COX10: variants seen among roughly 807,000 people sequenced by gnomAD.
The protein encoded by COX10 is protoheme IX farnesyltransferase, mitochondrial.
Under a neutral mutation model 37.3 loss-of-function variants are expected in COX10, and 27 were observed. That is an observed-to-expected ratio of 0.72 (90% CI 0.53 to 1.00). The LOEUF (loss-of-function observed/expected upper bound fraction) is 1.00, where lower values mean the gene tolerates loss of function less well. COX10 is among the 50% of genes least tolerant of loss of function. COX10 has a pLI of 0.00. For synonymous variants in COX10, 222 were observed against 229.1 expected, an observed-to-expected ratio of 0.97 and a Z score of 0.28; for missense variants, 475 against 563.2, an observed-to-expected ratio of 0.84 and a Z score of 1.59.
intron 3 of COX10, among the ~76,000 whole-genome samples, chr17:14,092,552 GA>G (rs900697582): frequency 6.6e-6 from 1 of 151,930 alleles, no homozygotes; most frequent in Non-Finnish European, 1.5e-5. Flanking sequence ...ATATGGCTGA[GA>G]AAAAAATAGC....
chr17:14,093,295 C>T (rs1898048465), intron 3 of COX10, among the ~76,000 whole-genome samples: 1 of 151,926 alleles, frequency 6.6e-6, no homozygotes, highest in South Asian at 2.1e-4. Flanking sequence ...CATTAAGACA[C>T]AGAGAAATAA....
At chr17:14,078,927 G>A (rs140599536) in intron 3 of COX10, among the ~76,000 whole-genome samples, 4 of 151,862 alleles carry the variant, frequency 2.6e-5, no homozygotes, top group East Asian at 1.9e-4. Context: ...TTGTTCCCCC[G>A]CCTCCATGGG....
intron 4 of COX10, among the ~76,000 whole-genome samples, chr17:14,108,343 T>C (rs1043896885): frequency 1.3e-5 from 2 of 152,222 alleles, no homozygotes; most frequent in African/African-American, 4.8e-5. Flanking sequence ...AAGATAGTTC[T>C]TTTGAAAGAT....
chr17:14,090,088 C>T (rs1915491823), intron 3 of COX10, among the ~76,000 whole-genome samples: 2 of 151,944 alleles, frequency 1.3e-5, no homozygotes, highest in Admixed American at 1.3e-4. Context: ...TTCAGCCTGA[C>T]ACCTGGGGTC....
At chr17:14,185,142 T>TA (rs557075391) in intron 5 of COX10, among the ~76,000 whole-genome samples, 2 of 151,962 alleles carry the variant, frequency 1.3e-5, no homozygotes, top group East Asian at 1.9e-4. Context: ...AAAGGACTAA[T>TA]AAAAAAAATA....
intron 3 of COX10, among the ~76,000 whole-genome samples, chr17:14,081,684 A>G (rs759076788): frequency 6.6e-6 from 1 of 152,148 alleles, no homozygotes; most frequent in Admixed American, 6.6e-5. Flanking sequence ...TACTTCCTTC[A>G]TAGGGTTGTT....
chr17:14,110,860 T>A (rs1915993618), intron 4 of COX10, among the ~76,000 whole-genome samples: 1 of 152,132 alleles, frequency 6.6e-6, no homozygotes, highest in Non-Finnish European at 1.5e-5. Context: ...AGTGACAAAC[T>A]GCTTTTAAGG....
intron 4 of COX10, among the ~76,000 whole-genome samples, chr17:14,145,446 C>A (rs1904683784): frequency 6.6e-6 from 1 of 152,072 alleles, no homozygotes; most frequent in Non-Finnish European, 1.5e-5. Context: ...GGTTTCAATG[C>A]TGTGATGGGT....
At chr17:14,101,619 C>A (rs908823144) in intron 3 of COX10, among the ~76,000 whole-genome samples, 5 of 152,288 alleles carry the variant, frequency 3.3e-5, no homozygotes, top group South Asian at 2.1e-4. Flanking sequence ...CATTCTCTGA[C>A]CGCTGGGACC....
At chr17:14,117,773 G>C (rs1384305404) in intron 4 of COX10, among the ~76,000 whole-genome samples, 1 of 152,176 alleles carries the variant, frequency 6.6e-6, no homozygotes, top group Non-Finnish European at 1.5e-5. Context: ...GTGTTAATCA[G>C]CTCAGTTAGA....
chr17:14,140,900 G>A (rs17616525), intron 4 of COX10, among the ~76,000 whole-genome samples: 17,400 of 151,964 alleles, frequency 0.11, 1,161 homozygotes, highest in South Asian at 0.17. Context: ...AAGTCATCAC[G>A]TTATGATAAA....
intron 5 of COX10, among the ~76,000 whole-genome samples, chr17:14,174,687 T>C (rs1050498146): frequency 3.9e-5 from 6 of 151,990 alleles, no homozygotes; most frequent in African/African-American, 1.4e-4. Flanking sequence ...CTTTTATTGC[T>C]AGTGTGAATG....
At chr17:14,122,317 T>C (rs767568062) in intron 4 of COX10, among the ~76,000 whole-genome samples, 2 of 152,288 alleles carry the variant, frequency 1.3e-5, no homozygotes, top group Admixed American at 6.5e-5. Context: ...AGGGTCCTTA[T>C]GCTTATAAAA....
At chr17:14,171,230 T>C (rs180757479) in intron 5 of COX10, among the ~76,000 whole-genome samples, 1,852 of 152,352 alleles carry the variant, frequency 0.012, 13 homozygotes, top group Middle Eastern at 0.044. Flanking sequence ...AAAAGGGTGC[T>C]AGTTCCCAAG....
intron 1 of COX10, among the ~76,000 whole-genome samples, chr17:14,073,120 T>C (rs1320944849): frequency 6.6e-6 from 1 of 152,164 alleles, no homozygotes. Context: ...AATATGTATT[T>C]AGTAATATGT....
intron 4 of COX10, among the ~76,000 whole-genome samples, chr17:14,142,851 T>G (rs1260929788): frequency 6.6e-6 from 1 of 152,194 alleles, no homozygotes; most frequent in Non-Finnish European, 1.5e-5. Context: ...GTGACTGTGC[T>G]TGCAACACAT....
chr17:14,123,852 G>GT (rs1351916855), intron 4 of COX10, among the ~76,000 whole-genome samples: 1 of 152,140 alleles, frequency 6.6e-6, no homozygotes, highest in Non-Finnish European at 1.5e-5. Context: ...TTCAAGAGTA[G>GT]TTTAAGTATC....
chr17:14,173,259 G>A (rs1157402467), intron 5 of COX10, among the ~76,000 whole-genome samples: 1 of 152,236 alleles, frequency 6.6e-6, no homozygotes, highest in Non-Finnish European at 1.5e-5. Context: ...CAGGTGGATG[G>A]ATGATAAGAG....
chr17:14,087,567 G>A (rs963890214), intron 3 of COX10, among the ~76,000 whole-genome samples: 4 of 152,096 alleles, frequency 2.6e-5, no homozygotes, highest in East Asian at 1.9e-4. Context: ...GTTGGAGTTC[G>A]CTCGCATTTT....
Sources: allele counts gnomAD v4.1 joint callset (sites outside exome capture counted in the v4.1 genomes callset), GRCh38; gene constraint gnomAD v4.1.1; transcripts MANE v1.5; gene names NCBI Gene and HGNC (gene_info 2026-07-23, HGNC 2026-07-21).